The following CCBE1 variants were observed in gnomAD, a reference collection of about 807,000 sequenced individuals.
CCBE1 encodes the protein collagen and calcium-binding EGF domain-containing protein 1.
In CCBE1, 37 loss-of-function variants were observed where a neutral mutation model predicts 50.0. The observed-to-expected ratio is 0.74, with a 90% CI of 0.57 to 0.97. The LOEUF (loss-of-function observed/expected upper bound fraction) is 0.97, where lower values mean the gene tolerates loss of function less well. Ranked by LOEUF, CCBE1 falls within the 50% of genes least tolerant of loss-of-function variation. The pLI, the probability that CCBE1 is intolerant of heterozygous loss-of-function variation, is 0.00. For missense variants in CCBE1, 538 were observed against 523.8 expected, an observed-to-expected ratio of 1.03 and a Z score of -0.26; for synonymous variants, 234 against 203.7, an observed-to-expected ratio of 1.15 and a Z score of -1.27.
At chr18:59,455,540 G>A (rs1411669546) in intron 5 of CCBE1, among the ~76,000 whole-genome samples, 6 of 152,280 alleles carry the variant, frequency 3.9e-5, no homozygotes, top group African/African-American at 9.6e-5. Context: ...CACTGCAAAG[G>A]GTCCCAAAGC....
chr18:59,695,021 C>T (rs889253074), intron 2 of CCBE1, among the ~76,000 whole-genome samples: 10 of 152,112 alleles, frequency 6.6e-5, no homozygotes, highest in Non-Finnish European at 1.5e-4. Flanking sequence ...AAAGAAACAC[C>T]ACACTGCTTT....
At chr18:59,588,365 C>T (rs2053208674) in intron 2 of CCBE1, among the ~76,000 whole-genome samples, 1 of 151,926 alleles carries the variant, frequency 6.6e-6, no homozygotes, top group South Asian at 2.1e-4. Context: ...AGTTTGAGAC[C>T]AGCTTGGGAA....
intron 2 of CCBE1, among the ~76,000 whole-genome samples, chr18:59,682,540 T>G (rs182855217): frequency 6.6e-6 from 1 of 152,294 alleles, no homozygotes; most frequent in Non-Finnish European, 1.5e-5. Flanking sequence ...CTTAGAGAAC[T>G]CTCCAGTGAA....
chr18:59,622,476 C>T (rs1463982263), intron 2 of CCBE1, among the ~76,000 whole-genome samples: 1 of 144,412 alleles, frequency 6.9e-6, no homozygotes, highest in Non-Finnish European at 1.5e-5. Flanking sequence ...TGCCCTCCAG[C>T]CTGGGCGACA....
At chr18:59,544,793 A>C (rs1174118388) in intron 2 of CCBE1, among the ~76,000 whole-genome samples, 1 of 152,196 alleles carries the variant, frequency 6.6e-6, no homozygotes, top group African/African-American at 2.4e-5. Flanking sequence ...TTTTTCCATT[A>C]TACCTTTTAA....
At chr18:59,684,048 T>G (rs1363534925) in intron 2 of CCBE1, among the ~76,000 whole-genome samples, 1 of 152,178 alleles carries the variant, frequency 6.6e-6, no homozygotes, top group Non-Finnish European at 1.5e-5. Context: ...CTGATTATAA[T>G]TTACCTATAT....
intron 2 of CCBE1, among the ~76,000 whole-genome samples, chr18:59,685,003 T>A (rs974767017): frequency 1.3e-4 from 20 of 151,608 alleles, no homozygotes; most frequent in Admixed American, 3.9e-4. Flanking sequence ...TCATACCATG[T>A]AAAAAAAAAT....
At position 59,622,811 on chromosome 18, in the gene CCBE1, AG is replaced by A. The variant is rs2053730703; in HGVS notation, c.212+73817del. Among the ~76,000 whole-genome samples, 3 of 131,156 alleles carry A rather than the reference AG, an allele frequency of 2.3e-5. 1 individual carries two copies. The highest frequency in any genetic ancestry group is 6.6e-5 in the African/African-American group (2 of 30,280). 86.0% of individuals were successfully genotyped at this position (131,156 alleles called of 152,430 possible). A position where few individuals can be genotyped will look rare whatever the true frequency, so the allele number is the denominator to read the frequency against. On this transcript the variant is annotated intron_variant, in intron 2 of 10. Coordinates refer to ENST00000439986, the MANE Select transcript of CCBE1 (RefSeq NM_133459.4). ...AGAGAGATTCCATCTCAAAAAAAAA[AG>A]AAAGAAAAAGAAAAAAGAAAAAAAA... is the stretch of plus-strand genomic sequence containing the variant.
At chr18:59,558,846 A>G (rs2052690139) in intron 2 of CCBE1, among the ~76,000 whole-genome samples, 1 of 152,254 alleles carries the variant, frequency 6.6e-6, no homozygotes, top group Admixed American at 6.5e-5. Flanking sequence ...CAGGGTGGAC[A>G]GTGGGAGAGT....
chr18:59,620,256 G>C (rs1361868452), intron 2 of CCBE1, among the ~76,000 whole-genome samples: 4 of 152,110 alleles, frequency 2.6e-5, no homozygotes, highest in African/African-American at 9.7e-5. Flanking sequence ...TCTTCCAGTG[G>C]GGGGAGAGAT....
At chr18:59,443,010 T>A (rs985628549) in intron 7 of CCBE1, among the ~76,000 whole-genome samples, 27 of 152,056 alleles carry the variant, frequency 1.8e-4, no homozygotes, top group African/African-American at 6.5e-4. Context: ...TTTGTTTTTT[T>A]AATTCTTTTC....
At chr18:59,506,350 G>A (rs777623051) in intron 2 of CCBE1, among the ~76,000 whole-genome samples, 1 of 152,206 alleles carries the variant, frequency 6.6e-6, no homozygotes, top group Non-Finnish European at 1.5e-5. Flanking sequence ...CTAGGTTTCA[G>A]ATTTGTGGTC....
At chr18:59,527,252 GC>G (rs1418281714) in intron 2 of CCBE1, among the ~76,000 whole-genome samples, 1 of 152,154 alleles carries the variant, frequency 6.6e-6, no homozygotes, top group East Asian at 1.9e-4. Flanking sequence ...ATTATGTAAT[GC>G]CCTTTGTCTT....
At chr18:59,461,025 C>T (rs1244001457) in intron 5 of CCBE1, among the ~76,000 whole-genome samples, 2 of 152,052 alleles carry the variant, frequency 1.3e-5, no homozygotes, top group East Asian at 1.9e-4. Context: ...GCTTGTATCA[C>T]TTATGCTAAG....
At chr18:59,615,852 G>A (rs908518392) in intron 2 of CCBE1, among the ~76,000 whole-genome samples, 3 of 152,198 alleles carry the variant, frequency 2.0e-5, no homozygotes, top group African/African-American at 7.2e-5. Flanking sequence ...GAGAAGGAAA[G>A]AATAAGAAGG....
At chr18:59,590,197 G>T (rs1368897747) in intron 2 of CCBE1, among the ~76,000 whole-genome samples, 1 of 152,024 alleles carries the variant, frequency 6.6e-6, no homozygotes, top group African/African-American at 2.4e-5. Flanking sequence ...ATAAGAATTA[G>T]AACAGTAGTA....
rs553763469 is a variant in CCBE1 at position 59,649,922 on chromosome 18, G to T, written c.212+46707C>A. Among the ~76,000 whole-genome samples, 3 of 152,258 alleles carry T rather than the reference G, an allele frequency of 2.0e-5. No homozygotes were observed. The South Asian group carries it at 6.2e-4, about 32-fold the overall frequency. On this transcript the variant is annotated intron_variant, in intron 2 of 10. Transcript: ENST00000439986. ...GGTCCCACTGACCAGAAATGACCAT[G>T]GAAGAGCATCTTCAAGGGGCACATG...
intron 2 of CCBE1, among the ~76,000 whole-genome samples, chr18:59,523,409 C>A (rs951202266): frequency 6.6e-6 from 1 of 150,806 alleles, no homozygotes; most frequent in African/African-American, 2.4e-5. Flanking sequence ...GGTAGGTAGT[C>A]TTAGACAAGA....
chr18:59,455,596 T>C (rs1911153971), intron 5 of CCBE1, among the ~76,000 whole-genome samples: 1 of 152,206 alleles, frequency 6.6e-6, no homozygotes, highest in South Asian at 2.1e-4. Flanking sequence ...TGTAAAAACA[T>C]TCTTTGCTAA....
Sources: allele counts gnomAD v4.1 joint callset (sites outside exome capture counted in the v4.1 genomes callset), GRCh38; gene constraint gnomAD v4.1.1; transcripts MANE v1.5; gene names NCBI Gene and HGNC (gene_info 2026-07-23, HGNC 2026-07-21).